The following ACTL6A variants were observed in gnomAD, a reference collection of about 807,000 sequenced individuals.
ACTL6A encodes the protein actin like 6A.
Under a neutral mutation model 59.2 loss-of-function variants are expected in ACTL6A, and 5 were observed. That is an observed-to-expected ratio of 0.08 (90% confidence interval 0.04 to 0.18). ACTL6A has a LOEUF of 0.18. Ranked by LOEUF, ACTL6A falls within the 10% of genes least tolerant of loss-of-function variation. The probability of loss-of-function intolerance (pLI) is 1.00; values close to 1 mark genes in which losing one functional copy is unlikely to be tolerated. For missense variants in ACTL6A, 285 were observed against 526.9 expected, an observed-to-expected ratio of 0.54 and a Z score of 4.49; for synonymous variants, 154 against 171.8, an observed-to-expected ratio of 0.90 and a Z score of 0.81.
chr3:179,574,325 T>C (rs1718102772), intron 4 of ACTL6A, 45 bp from the exon 5 acceptor site: 2 of 1,300,788 alleles, frequency 1.5e-6, no homozygotes. Flanking sequence ...TAAATCAACT[T>C]TTTAATTCTT....
chr3:179,569,169 G>C (rs1717926970), intron 1 of ACTL6A, among the ~76,000 whole-genome samples: 1 of 152,198 alleles, frequency 6.6e-6, no homozygotes, highest in Non-Finnish European at 1.5e-5. Flanking sequence ...ATTCACCTCA[G>C]GGTAATCCAT....
At chr3:179,577,879 A>G (rs1214985683) in intron 8 of ACTL6A, among the ~76,000 whole-genome samples, 1 of 149,972 alleles carries the variant, frequency 6.7e-6, no homozygotes, top group Non-Finnish European at 1.5e-5. Flanking sequence ...TTCTTAATCC[A>G]GTCTTCCACC....
chr3:179,582,268 T>C (rs1400016743), intron 11 of ACTL6A, among the ~76,000 whole-genome samples: 1 of 152,218 alleles, frequency 6.6e-6, no homozygotes, highest in Admixed American at 6.5e-5. Context: ...TTTTAACTAA[T>C]GAGATACTTT....
At chr3:179,587,725 T>C (rs1487504271) in intron 13 of ACTL6A, among the ~76,000 whole-genome samples, 1 of 151,942 alleles carries the variant, frequency 6.6e-6, no homozygotes, top group Non-Finnish European at 1.5e-5. Flanking sequence ...CAATTAAAAT[T>C]AGGCAAGGTG....
At chr3:179,572,998 T>A (rs796953084) in intron 3 of ACTL6A, among the ~76,000 whole-genome samples, 86 of 151,570 alleles carry the variant, frequency 5.7e-4, no homozygotes, top group African/African-American at 2.0e-3. Context: ...TTTTTTTTTT[T>A]ATAAATCCAG....
At chr3:179,565,030 G>C (rs890874288) in intron 1 of ACTL6A, among the ~76,000 whole-genome samples, 9 of 152,074 alleles carry the variant, frequency 5.9e-5, no homozygotes, top group Admixed American at 5.2e-4. Context: ...TGGCGTGGCA[G>C]AGTTTAATTG....
At chr3:179,575,436 A>T in intron 5 of ACTL6A, 1 of 456,694 alleles carries the variant, frequency 2.2e-6, no homozygotes, top group Non-Finnish European at 4.4e-6. Context: ...AAACAGGATA[A>T]CCTTCAGGGA....
intron 1 of ACTL6A, among the ~76,000 whole-genome samples, chr3:179,565,714 G>C (rs141721387): frequency 1.0e-3 from 157 of 152,196 alleles, no homozygotes; most frequent in African/African-American, 3.5e-3. Context: ...GGCAGGAAGT[G>C]AGACTGCTAC....
intron 13 of ACTL6A, 83 bp downstream of exon 13, chr3:179,586,715 T>C: frequency 8.9e-7 from 1 of 1,128,494 alleles, no homozygotes; most frequent in Non-Finnish European, 1.3e-6. Flanking sequence ...ATTCCAGTGC[T>C]TCATTTGTCT....
At chr3:179,584,717 G>A (rs896287614) in intron 12 of ACTL6A, among the ~76,000 whole-genome samples, 4 of 152,024 alleles carry the variant, frequency 2.6e-5, no homozygotes, top group African/African-American at 9.7e-5. Flanking sequence ...CCCAGGAGGC[G>A]GAGGTTGCAG....
intron 3 of ACTL6A, among the ~76,000 whole-genome samples, chr3:179,571,399 T>A (rs1718001996): frequency 6.7e-6 from 1 of 148,228 alleles, no homozygotes; most frequent in African/African-American, 2.5e-5. Context: ...CCAACCTGGG[T>A]GACAGAGTGA....
intron 4 of ACTL6A, among the ~76,000 whole-genome samples, chr3:179,574,130 A>G (rs1474972384): frequency 6.6e-6 from 1 of 152,188 alleles, no homozygotes; most frequent in Non-Finnish European, 1.5e-5. Context: ...GAGCAATTTT[A>G]TTATTAAAGA....
chr3:179,584,622 A>T (rs1718430566), intron 12 of ACTL6A, among the ~76,000 whole-genome samples: 1 of 151,946 alleles, frequency 6.6e-6, no homozygotes, highest in Non-Finnish European at 1.5e-5. Context: ...AAAAAAAAAA[A>T]AAAATAACAA....
chr3:179,586,940 T>TA (rs1718513747), intron 13 of ACTL6A, among the ~76,000 whole-genome samples: 1 of 152,168 alleles, frequency 6.6e-6, no homozygotes, highest in Non-Finnish European at 1.5e-5. Flanking sequence ...GGAGTGCATT[T>TA]AAAATGAAAA....
At position 179,572,079 on chromosome 3, in the gene ACTL6A, A is replaced by T. The variant is rs1718025232; in HGVS notation, c.278-1290A>T. ...ACGGGAATAAAAGGTTATAAGAAAG[A>T]TTTTAAGACATGGAGTTGCATTTTA... On this transcript the variant is annotated intron_variant, in intron 3 of 13. Coordinates refer to ENST00000429709, the MANE Select transcript of ACTL6A (RefSeq NM_004301.5). Among the ~76,000 whole-genome samples, 5 of 152,328 alleles carry T rather than the reference A, an allele frequency of 3.3e-5. 1 individual carries two copies. The South Asian group carries it at 1.0e-3, about 32-fold the overall frequency.
chr3:179,569,755 G>A, intron 1 of ACTL6A, 69 bp from the exon 2 acceptor site: 1 of 1,328,294 alleles, frequency 7.5e-7, no homozygotes, highest in East Asian at 2.3e-5. Context: ...GGTTGAGGCT[G>A]CAGTGAGCTG....
chr3:179,580,795 CCT>C (rs140372049), intron 9 of ACTL6A, 94 bp downstream of exon 9: 19,163 of 1,338,022 alleles, frequency 0.014, 404 homozygotes, highest in East Asian at 0.1. Flanking sequence ...ATTCTCACTC[CCT>C]TTTTTTTTTT....
rs550795606 is a variant in ACTL6A, at chr3:179,564,885, CTTTTT to C, written c.25+1782_25+1786del. Among the ~76,000 whole-genome samples, 5 of 129,464 alleles carry C rather than the reference CTTTTT, an allele frequency of 3.9e-5. 1 individual carries two copies. The highest frequency in any genetic ancestry group is 2.3e-4 in the East Asian group (1 of 4,436). 84.9% of individuals were successfully genotyped at this position (129,464 alleles called of 152,430 possible). A position where few individuals can be genotyped will look rare whatever the true frequency, so the allele number is the denominator to read the frequency against. ...TTAAACAGCTGAAGTTGGAATATGTCTTTTTTTTTTTTTTTTTTAATAGAGATGGG... is the reference window on the plus strand; with the variant it reads ...TTAAACAGCTGAAGTTGGAATATGTCTTTTTTTTTTTTTAATAGAGATGGG... On this transcript the variant is annotated intron_variant, in intron 1 of 13. Coordinates refer to ENST00000429709, the MANE Select transcript of ACTL6A (RefSeq NM_004301.5).
At chr3:179,578,004 A>C (rs1371898148) in intron 8 of ACTL6A, among the ~76,000 whole-genome samples, 1 of 152,220 alleles carries the variant, frequency 6.6e-6, no homozygotes, top group African/African-American at 2.4e-5. Flanking sequence ...GTATATACCC[A>C]GTAATGAGAT....
Sources: gnomAD v4.1 joint callset for allele counts (sites outside exome capture counted in the v4.1 genomes callset) on GRCh38, gnomAD v4.1.1 for gene constraint, MANE v1.5 for transcripts, NCBI Gene and HGNC (gene_info 2026-07-23, HGNC 2026-07-21) for gene names.